BCKDHB: variants seen among roughly 807,000 people sequenced by gnomAD.
BCKDHB encodes the protein 2-oxoisovalerate dehydrogenase subunit beta, mitochondrial.
A neutral mutation model predicts 48.5 loss-of-function variants in BCKDHB; 41 were observed. That is an observed-to-expected ratio of 0.85 (90% CI 0.66 to 1.10). BCKDHB has a LOEUF of 1.10. BCKDHB is among the 50% of genes least tolerant of loss of function. The probability of loss-of-function intolerance (pLI) is 0.00; values close to 1 mark genes in which losing one functional copy is unlikely to be tolerated. For missense variants in BCKDHB, 496 were observed against 494.2 expected (o/e 1.00, Z -0.03); for synonymous variants, 201 against 174.8 (o/e 1.15, Z -1.18).
intron 8 of BCKDHB, among the ~76,000 whole-genome samples, chr6:80,241,784 T>A (rs1207620426): frequency 6.6e-6 from 1 of 152,246 alleles, no homozygotes; most frequent in Non-Finnish European, 1.5e-5. Flanking sequence ...TGAGATGTCC[T>A]GTTGTGATCA....
At position 80,183,864 on chromosome 6, in the gene BCKDHB, C is replaced by A. The variant is rs188062544; in HGVS notation, c.742+12474C>A. 1.0e-3 allele frequency among the ~76,000 whole-genome samples: 154 copies of A among 152,242 alleles called. No individual in the cohort carries two copies. The South Asian group carries it at 0.017, about 16-fold the overall frequency. On this transcript the variant is annotated intron_variant, in intron 6 of 9. Transcript: ENST00000320393. ...GTATGAAACCTTTTCAGATTGGCTTCCTTCACTTAGTACTATGTATTTAAG... is the reference window on the plus strand; with the variant it reads ...GTATGAAACCTTTTCAGATTGGCTTACTTCACTTAGTACTATGTATTTAAG...
chr6:80,433,890 C>T, the BCKDHB span, among the ~76,000 whole-genome samples: 1 of 152,100 alleles, frequency 6.6e-6, no homozygotes, highest in Admixed American at 6.5e-5. Context: ...TAGGCTTTAT[C>T]ATATTTGGAA....
At chr6:80,431,806 T>A in the BCKDHB span, among the ~76,000 whole-genome samples, 1 of 152,160 alleles carries the variant, frequency 6.6e-6, no homozygotes, top group Non-Finnish European at 1.5e-5. Context: ...ATTGGGACAT[T>A]TTGTCCATTT....
intron 1 of BCKDHB, among the ~76,000 whole-genome samples, chr6:80,115,101 G>T (rs947038419): frequency 1.3e-5 from 2 of 152,070 alleles, no homozygotes; most frequent in African/African-American, 4.8e-5. Flanking sequence ...ATACACACTG[G>T]TACCTTACAA....
At chr6:80,110,300 G>C (rs1374295316) in intron 1 of BCKDHB, among the ~76,000 whole-genome samples, 2 of 152,142 alleles carry the variant, frequency 1.3e-5, no homozygotes, top group African/African-American at 2.4e-5. Context: ...TCTGCTAGCT[G>C]CTAAGGATGT....
At chr6:80,382,419 T>C in the BCKDHB span, among the ~76,000 whole-genome samples, 6 of 152,320 alleles carry the variant, frequency 3.9e-5, no homozygotes, top group East Asian at 1.2e-3. Flanking sequence ...ATTCTAGATA[T>C]ACTTTCTTGT....
chr6:80,436,450 A>C, the BCKDHB span, among the ~76,000 whole-genome samples: 1 of 152,040 alleles, frequency 6.6e-6, no homozygotes, highest in East Asian at 1.9e-4. Context: ...TCTTATTTTC[A>C]AAATATTATC....
chr6:80,233,727 G>T (rs185078128), intron 8 of BCKDHB, among the ~76,000 whole-genome samples: 2 of 152,286 alleles, frequency 1.3e-5, no homozygotes, highest in African/African-American at 4.8e-5. Flanking sequence ...CAATTTGTTA[G>T]ACTGAGTACT....
chr6:80,330,315 C>T (rs1180436341), intron 9 of BCKDHB, among the ~76,000 whole-genome samples: 2 of 152,170 alleles, frequency 1.3e-5, no homozygotes, highest in African/African-American at 4.8e-5. Flanking sequence ...CATCCACACC[C>T]TACTTCCTGT....
chr6:80,395,095 A>G, the BCKDHB span, among the ~76,000 whole-genome samples: 1 of 152,154 alleles, frequency 6.6e-6, no homozygotes, highest in Non-Finnish European at 1.5e-5. Context: ...CCAGTCTTAA[A>G]TATTTCTTCA....
In BCKDHB at chr6:80,129,233, A is replaced by G. The variant is rs376147150; in HGVS notation, c.343+4A>G. 2 of 1,602,424 alleles carry G rather than the reference A, an allele frequency of 1.2e-6. No individual in the cohort carries two copies. The highest frequency in any genetic ancestry group is 2.7e-5 in the African/African-American group (2 of 74,614). ...GTTGGCTTGCGAGACAAATATGGTA[A>G]GTAAATACCTATATGAATAGTATTC... On this transcript the variant is annotated splice_donor_region_variant and intron_variant, in intron 3 of 9. Transcript: ENST00000320393.
intron 9 of BCKDHB, among the ~76,000 whole-genome samples, chr6:80,306,162 A>G (rs1767866900): frequency 6.6e-6 from 1 of 152,202 alleles, no homozygotes. Flanking sequence ...TATTCTTTTC[A>G]TCAAAATGCT....
intron 9 of BCKDHB, among the ~76,000 whole-genome samples, chr6:80,289,451 C>T (rs1766799789): frequency 2.0e-5 from 3 of 151,966 alleles, no homozygotes; most frequent in African/African-American, 7.3e-5. Flanking sequence ...AAGTGCAGCT[C>T]CCACTGAGAG....
chr6:80,218,944 T>G (rs1406617934), intron 8 of BCKDHB, among the ~76,000 whole-genome samples: 3 of 152,210 alleles, frequency 2.0e-5, no homozygotes, highest in African/African-American at 7.2e-5. Flanking sequence ...TATTTTTCAC[T>G]TGAGGTCCAG....
chr6:80,178,662 A>T (rs1306028464), intron 6 of BCKDHB, among the ~76,000 whole-genome samples: 2 of 152,204 alleles, frequency 1.3e-5, no homozygotes, highest in East Asian at 3.9e-4. Flanking sequence ...TAATTCTCAC[A>T]ACCAGCATAT....
intron 1 of BCKDHB, among the ~76,000 whole-genome samples, chr6:80,109,070 C>A (rs1161872676): frequency 1.3e-5 from 2 of 152,110 alleles, no homozygotes; most frequent in Non-Finnish European, 2.9e-5. Context: ...AAGAACTGTT[C>A]CATGGAGTAG....
the BCKDHB span, among the ~76,000 whole-genome samples, chr6:80,466,504 A>G: frequency 6.6e-6 from 1 of 152,160 alleles, no homozygotes; most frequent in Admixed American, 6.6e-5. Flanking sequence ...AAATTTTCTC[A>G]CTATACACAC....
intron 1 of BCKDHB, among the ~76,000 whole-genome samples, chr6:80,112,650 C>T (rs1380066971): frequency 6.6e-6 from 1 of 152,210 alleles, no homozygotes; most frequent in Non-Finnish European, 1.5e-5. Flanking sequence ...CCAGACTGTC[C>T]CATTGTCACC....
intron 1 of BCKDHB, chr6:80,127,128 A>G (rs1391615192): frequency 3.2e-5 from 7 of 221,624 alleles, no homozygotes; most frequent in South Asian, 6.7e-5. Context: ...TTTATGGTCC[A>G]TGACCATTTG....
Sources: allele counts gnomAD v4.1 joint callset (sites outside exome capture counted in the v4.1 genomes callset), GRCh38; gene constraint gnomAD v4.1.1; transcripts MANE v1.5; gene names NCBI Gene and HGNC (gene_info 2026-07-23, HGNC 2026-07-21).